Variants in FRMD4B observed in about 807,000 individuals in gnomAD.
The protein encoded by FRMD4B is FERM domain-containing protein 4B.
In FRMD4B, 74 loss-of-function variants were observed where a neutral mutation model predicts 141.5. The observed-to-expected ratio is 0.52, with a 90% CI of 0.43 to 0.63. FRMD4B has a LOEUF of 0.63. Among genes scored for constraint, FRMD4B ranks in the 30% least tolerant of loss-of-function variants. The probability of loss-of-function intolerance (pLI) is 0.00; values close to 1 mark genes in which losing one functional copy is unlikely to be tolerated. For missense variants in FRMD4B, 1,366 were observed against 1,253.4 expected (o/e 1.09, Z -1.36); for synonymous variants, 506 against 467.9 (o/e 1.08, Z -1.05).
intron 1 of FRMD4B, among the ~76,000 whole-genome samples, chr3:69,335,609 G>A (rs1702520279): frequency 6.6e-6 from 1 of 151,540 alleles, no homozygotes; most frequent in African/African-American, 2.4e-5. Context: ...AGCCGCTGCA[G>A]CCGGCCCCAT....
At chr3:69,533,960 G>GC (rs1701042767) in intron 1 of FRMD4B, among the ~76,000 whole-genome samples, 1 of 152,152 alleles carries the variant, frequency 6.6e-6, no homozygotes, top group Admixed American at 6.5e-5. Flanking sequence ...CTCAATACAT[G>GC]CCCAAGAATC....
intron 2 of FRMD4B, among the ~76,000 whole-genome samples, chr3:69,431,055 C>CA (rs1468369998): frequency 6.6e-6 from 1 of 151,704 alleles, no homozygotes; most frequent in African/African-American, 2.4e-5. Flanking sequence ...GCAGTGGGTG[C>CA]AAAAAATCCA....
At chr3:69,182,094 A>C (rs935712185) in intron 20 of FRMD4B, among the ~76,000 whole-genome samples, 1 of 152,220 alleles carries the variant, frequency 6.6e-6, no homozygotes, top group Non-Finnish European at 1.5e-5. Flanking sequence ...GATATGGTAC[A>C]TTCGAGTGGA....
chr3:69,291,252 T>C (rs759668111), intron 4 of FRMD4B, among the ~76,000 whole-genome samples: 1 of 152,224 alleles, frequency 6.6e-6, no homozygotes, highest in East Asian at 1.9e-4. Context: ...TCCTTCACTT[T>C]TAATTACTTC....
Position 69,346,973 on chromosome 3 carries a change from T to A in FRMD4B, c.163-33456A>T, listed in dbSNP as rs1479279878. ...ATCATAATGACAGGATCAAATTCAC[T>A]CATAACAATATTAACCTTAAATGTA... is the stretch of plus-strand genomic sequence containing the variant. On this transcript the variant is annotated intron_variant, in intron 1 of 22. Coordinates refer to ENST00000398540, the MANE Select transcript of FRMD4B (RefSeq NM_015123.3). 1.8e-4 allele frequency among the ~76,000 whole-genome samples: 27 copies of A among 152,152 alleles called. 1 individual carries two copies. In the East Asian group the frequency reaches 5.2e-3, roughly 29 times the overall value.
intron 22 of FRMD4B, among the ~76,000 whole-genome samples, chr3:69,173,819 A>C (rs921176546): frequency 6.6e-6 from 1 of 152,194 alleles, no homozygotes; most frequent in African/African-American, 2.4e-5. Context: ...GGATTCAGAC[A>C]AATATTTTGG....
intron 1 of FRMD4B, among the ~76,000 whole-genome samples, chr3:69,355,749 G>T (rs530467594): frequency 6.6e-6 from 1 of 152,144 alleles, no homozygotes; most frequent in Non-Finnish European, 1.5e-5. Flanking sequence ...AGGAGGCCGG[G>T]CACAGTGTCT....
chr3:69,505,882 C>T (rs1048865678), intron 1 of FRMD4B, among the ~76,000 whole-genome samples: 1 of 152,168 alleles, frequency 6.6e-6, no homozygotes, highest in Admixed American at 6.6e-5. Flanking sequence ...GGTGGGTAAA[C>T]ACCAGGCTTA....
intron 7 of FRMD4B, among the ~76,000 whole-genome samples, chr3:69,241,119 G>T (rs1042821784): frequency 6.6e-6 from 1 of 152,208 alleles, no homozygotes; most frequent in African/African-American, 2.4e-5. Flanking sequence ...ATCCTATGTG[G>T]TGTTAGTAAC....
chr3:69,513,166 T>C (rs982052880), intron 1 of FRMD4B, among the ~76,000 whole-genome samples: 2 of 151,460 alleles, frequency 1.3e-5, no homozygotes, highest in Non-Finnish European at 2.9e-5. Flanking sequence ...AGTTCTTAGA[T>C]GAACTAAGAA....
At chr3:69,202,410 A>G (rs138711400) in intron 11 of FRMD4B, among the ~76,000 whole-genome samples, 3,013 of 151,856 alleles carry the variant, frequency 0.02, 110 homozygotes, top group African/African-American at 0.07. Flanking sequence ...GTACACATAC[A>G]CTTGTAATTT....
At chr3:69,309,297 A>T in intron 3 of FRMD4B, among the ~76,000 whole-genome samples, 1 of 76,452 alleles carries the variant, frequency 1.3e-5, no homozygotes, top group Non-Finnish European at 2.4e-5. Context: ...CACCTGGCTG[A>T]TTTTTAATTT....
Position 69,208,668 on chromosome 3 carries a change from TCCCATTACTGTCC to T in FRMD4B, c.876+7582_876+7594del, listed in dbSNP as rs58278714. ...ACACACCAAATGTCCCCTCCCTGCA[TCCCATTACTGTCC>T]CCCATCTCATTTGTTTCCATCAAAG... On this transcript the variant is annotated intron_variant, in intron 11 of 22. Transcript: ENST00000398540. 1.3e-3 allele frequency among the ~76,000 whole-genome samples: 199 copies of T among 152,286 alleles called. 1 individual carries two copies. The highest frequency in any genetic ancestry group is 4.5e-3 in the African/African-American group (189 of 41,552).
chr3:69,182,642 G>T lies in FRMD4B; in HGVS notation c.1995C>A (p.Thr665=). ...AGGCGTTTCGGGTAAGAACTGGCGT[G>T]GTGGGCATGCTTCGTCCTCCCTGGG... ...RRPQGGRSMP[T]TPVLTRNAYS... The change falls in exon 20 of 23, where the codon ACC becomes ACA. Residue 665 remains threonine (T), a synonymous_variant. Transcript: ENST00000398540. The T allele has an allele frequency of 1.2e-6, 2 of 1,613,858 alleles. No individual in the cohort carries two copies. Among genetic ancestry groups the T allele is most frequent in the South Asian group, 1.1e-5 (1 of 91,070 alleles).
At chr3:69,485,393 G>C (rs1039662670) in intron 1 of FRMD4B, among the ~76,000 whole-genome samples, 1 of 152,142 alleles carries the variant, frequency 6.6e-6, no homozygotes, top group Admixed American at 6.5e-5. Flanking sequence ...GCACCAGGGT[G>C]GGGGGCTCCT....
At chr3:69,329,237 C>T (rs1702281265) in intron 1 of FRMD4B, among the ~76,000 whole-genome samples, 1 of 152,146 alleles carries the variant, frequency 6.6e-6, no homozygotes, top group Non-Finnish European at 1.5e-5. Context: ...TTTAGTAGGA[C>T]TTACTATTTT....
chr3:69,444,129 T>G (rs1575804371), intron 1 of FRMD4B, among the ~76,000 whole-genome samples: 1 of 152,004 alleles, frequency 6.6e-6, no homozygotes, highest in Non-Finnish European at 1.5e-5. Context: ...CATTCCCCAT[T>G]CCCTAGCCCC....
intron 7 of FRMD4B, chr3:69,228,244 C>T: frequency 2.3e-6 from 1 of 435,122 alleles, no homozygotes; most frequent in South Asian, 1.6e-5. Context: ...GATAAGAATC[C>T]TGAAAATTCT....
chr3:69,275,865 G>C (rs1005073793), intron 5 of FRMD4B, among the ~76,000 whole-genome samples: 2 of 151,940 alleles, frequency 1.3e-5, no homozygotes, highest in African/African-American at 4.8e-5. Context: ...GAAAGCAAAA[G>C]CTTTTCCAAT....
Sources: gnomAD v4.1 joint callset for allele counts (sites outside exome capture counted in the v4.1 genomes callset) on GRCh38, gnomAD v4.1.1 for gene constraint, MANE v1.5 for transcripts, NCBI Gene and HGNC (gene_info 2026-07-23, HGNC 2026-07-21) for gene names.